ACSM1: variants seen among roughly 807,000 people sequenced by gnomAD.
ACSM1 encodes the protein acyl-coenzyme A synthetase ACSM1, mitochondrial.
ACSM1 carries 79 observed loss-of-function variants against 75.8 expected under a neutral mutation model. That is an observed-to-expected ratio of 1.04 (90% CI 0.87 to 1.26). The LOEUF is 1.26. ACSM1 is among the 50% of genes most tolerant of loss of function. The pLI, the probability that ACSM1 is intolerant of heterozygous loss-of-function variation, is 0.00. For synonymous variants in ACSM1, 279 were observed against 265.8 expected (o/e 1.05, Z -0.48); for missense variants, 676 against 720.1 (o/e 0.94, Z 0.70).
intron 8 of ACSM1, among the ~76,000 whole-genome samples, chr16:20,638,586 T>C (rs2017870123): frequency 6.6e-6 from 1 of 152,220 alleles, no homozygotes; most frequent in Non-Finnish European, 1.5e-5. Context: ...GAGCATTATA[T>C]ACTTCTTTTT....
intron 4 of ACSM1, among the ~76,000 whole-genome samples, chr16:20,672,471 A>ATATATAT (rs1491358149): frequency 3.1e-5 from 2 of 64,572 alleles, no homozygotes; most frequent in African/African-American, 6.1e-5. Context: ...AAAAAAAAAA[A>ATATATAT]ATATATATAT....
At chr16:20,668,498 T>C (rs1322943255) in intron 6 of ACSM1, among the ~76,000 whole-genome samples, 1 of 151,856 alleles carries the variant, frequency 6.6e-6, no homozygotes, top group African/African-American at 2.4e-5. Context: ...AGGTAGGTAA[T>C]GAGATATGGG....
intron 4 of ACSM1, 195 bp downstream of exon 4, chr16:20,682,061 C>A: frequency 1.8e-6 from 1 of 552,530 alleles, no homozygotes; most frequent in Admixed American, 3.1e-5. Flanking sequence ...CACAGATCTC[C>A]CCTCTCACCC....
intron 8 of ACSM1, among the ~76,000 whole-genome samples, chr16:20,637,652 C>T (rs2017806388): frequency 6.6e-6 from 1 of 152,184 alleles, no homozygotes; most frequent in Non-Finnish European, 1.5e-5. Context: ...CAGTCATTTT[C>T]TGCAGCCAGT....
chr16:20,672,497 A>ATATATATATAT (rs1274005290), intron 4 of ACSM1, among the ~76,000 whole-genome samples: 27 of 112,744 alleles, frequency 2.4e-4, no homozygotes, highest in East Asian at 3.6e-4. Context: ...TATATATATA[A>ATATATATATAT]AAAACATATT....
chr16:20,668,029 A>AG (rs1367771080), intron 6 of ACSM1, among the ~76,000 whole-genome samples: 1 of 152,266 alleles, frequency 6.6e-6, no homozygotes, highest in East Asian at 1.9e-4. Flanking sequence ...AGAGACAGGG[A>AG]GGGGGTCGTG....
At chr16:20,692,965 T>C (rs2079668550) in intron 1 of ACSM1, among the ~76,000 whole-genome samples, 2 of 151,848 alleles carry the variant, frequency 1.3e-5, no homozygotes, top group African/African-American at 4.8e-5. Context: ...GGTCAGGAGT[T>C]TGAGACCATC....
chr16:20,638,763 C>G (rs2017885978), intron 8 of ACSM1, among the ~76,000 whole-genome samples: 1 of 152,154 alleles, frequency 6.6e-6, no homozygotes, highest in Non-Finnish European at 1.5e-5. Flanking sequence ...GATCTTTGCC[C>G]ACTGCCACAT....
At position 20,661,733 on chromosome 16, in the gene ACSM1, G is replaced by A. The variant is rs1157536682; in HGVS notation, c.992+61C>T. The stretch of plus-strand genomic sequence containing the variant: ...AAGAACCAGAAGAAAAACAGACCAT[G>A]ATGTATCAGATTCCTTAAAATCTTA... On this transcript the variant is annotated intron_variant, in intron 7 of 13. Transcript: ENST00000520010. 6.6e-6 allele frequency: 8 copies of A among 1,213,832 alleles called. No homozygotes were observed. In the African/African-American group the frequency reaches 1.2e-4, roughly 18 times the overall value. 75.2% of individuals were successfully genotyped at this position (1,213,832 alleles called of 1,614,324 possible).
In ACSM1 at chr16:20,637,430, A is replaced by C; in HGVS notation, c.1138T>G (p.Trp380Gly). The change falls in exon 9 of 14, where the codon TGG becomes GGG. Residue 380 changes from tryptophan (W) to glycine (G), a missense_variant. Coordinates refer to ENST00000520010, the MANE Select transcript of ACSM1 (RefSeq NM_001318890.3). ...SETGLICATY[W>G]GMKIKPGFMG... ...AAACCCGGCTTGATCTTCATTCCCC[A>C]GTAGGTGGCACAAATTAGTCCCTGT... The C allele has an allele frequency of 1.2e-6, 2 of 1,614,024 alleles. No homozygotes were observed. The highest frequency in any genetic ancestry group is 1.7e-6 in the Non-Finnish European group (2 of 1,180,004).
chr16:20,629,488 G>A (rs1007887235), intron 10 of ACSM1, among the ~76,000 whole-genome samples: 5 of 152,052 alleles, frequency 3.3e-5, no homozygotes, highest in African/African-American at 9.7e-5. Context: ...GAAACTAAAC[G>A]TAAAAGAAGG....
At chr16:20,637,903 T>G (rs185948052) in intron 8 of ACSM1, among the ~76,000 whole-genome samples, 341 of 152,286 alleles carry the variant, frequency 2.2e-3, no homozygotes, top group Non-Finnish European at 3.6e-3. Context: ...GATGCCAACT[T>G]TTCCCCCTGT....
At position 20,671,625 on chromosome 16, in the gene ACSM1, G is replaced by C. The variant is rs976613735; in HGVS notation, c.658C>G (p.Pro220Ala). The C allele has an allele frequency of 1.2e-6, 2 of 1,613,052 alleles. No homozygotes were observed. Among genetic ancestry groups the C allele is most frequent in the African/African-American group, 1.3e-5 (1 of 74,958 alleles). The change falls in exon 5 of 14, where the codon CCA becomes GCA. Residue 220 changes from proline (P) to alanine (A), a missense_variant. Transcript: ENST00000520010. The part of the protein sequence containing the change: ...HTCVKSKTLD[P>A]MVIFFTSGTT... ...CCACTGGTGAAGAAGATGACCATTG[G>C]GTCCAAGGTCTTTGACTTAACACAG...
chr16:20,685,506 T>A, intron 2 of ACSM1, 103 bp from the exon 3 acceptor site: 1 of 1,083,500 alleles, frequency 9.2e-7, no homozygotes, highest in Non-Finnish European at 1.4e-6. Context: ...GAACACAGCT[T>A]AAGGACTGAG....
At chr16:20,683,614 ATTC>A (rs2079489434) in intron 3 of ACSM1, among the ~76,000 whole-genome samples, 1 of 141,946 alleles carries the variant, frequency 7.0e-6, no homozygotes, top group African/African-American at 2.7e-5. Flanking sequence ...ATCCTCTTTA[ATTC>A]TTCTTAGCCC....
At chr16:20,663,738 C>G (rs1210627997) in intron 6 of ACSM1, among the ~76,000 whole-genome samples, 1 of 150,648 alleles carries the variant, frequency 6.6e-6, no homozygotes, top group Non-Finnish European at 1.5e-5. Context: ...TTGCTGGTAT[C>G]TTTCTACTTT....
Position 20,682,260 on chromosome 16 carries a change from C to A in ACSM1, c.607G>T (p.Val203Phe), listed in dbSNP as rs374521725. Residue 203 changes from valine (V) to phenylalanine (F), a missense_variant, in exon 4 of 14, where the codon GTT (valine) becomes TTT (phenylalanine). Transcript: ENST00000520010. ...REGWLDFRSL[V>F]KSASPEHTCV... ...TTCATCAGACCAGAGACTCACTTAA[C>A]CAGCGATCGGAAGTCCAGCCACCCT... 1 of 1,612,808 alleles carries A rather than the reference C, an allele frequency of 6.2e-7. No individual in the cohort carries two copies.
rs753933752 is a variant in ACSM1, at chr16:20,624,102, T to A, written c.1641A>T (p.Pro547=). 2.5e-6 allele frequency: 4 copies of A among 1,612,078 alleles called. No individual in the cohort carries two copies. The South Asian group carries it at 4.4e-5, about 18-fold the overall frequency. Residue 547 remains proline, a synonymous_variant, in exon 13 of 14, where the codon CCA becomes CCT. Coordinates refer to ENST00000520010, the MANE Select transcript of ACSM1 (RefSeq NM_001318890.3). The part of the protein sequence containing the change: ...VKSVTAPYKY[P]RKVEFVSELP... Reference sequence around the variant, plus strand: ...TCCATCTGCCCTCACTCACCTTCCTTGGGTACTTGTATGGGGCTGTCACTG... The same window carrying A: ...TCCATCTGCCCTCACTCACCTTCCTAGGGTACTTGTATGGGGCTGTCACTG...
chr16:20,640,725 A>G, intron 7 of ACSM1, 141 bp from the exon 8 acceptor site: 2 of 1,408,490 alleles, frequency 1.4e-6, no homozygotes, highest in Non-Finnish European at 1.9e-6. Context: ...ACAGTTGGCC[A>G]TGGCCAAGTG....
Sources: allele counts gnomAD v4.1 joint callset (sites outside exome capture counted in the v4.1 genomes callset), GRCh38; gene constraint gnomAD v4.1.1; transcripts MANE v1.5; gene names NCBI Gene and HGNC (gene_info 2026-07-23, HGNC 2026-07-21).